Variants in GRIP1 observed in about 807,000 individuals in gnomAD.
GRIP1 encodes glutamate receptor interacting protein 1.
In GRIP1, 45 loss-of-function variants were observed where a neutral mutation model predicts 129.9. The ratio of observed to expected loss-of-function variants is 0.35; its 90% confidence interval spans 0.27 to 0.44. The LOEUF (loss-of-function observed/expected upper bound fraction) is 0.44, where lower values mean the gene tolerates loss of function less well. GRIP1 is among the 20% of genes least tolerant of loss of function. The probability of loss-of-function intolerance (pLI) is 1.00; values close to 1 mark genes in which losing one functional copy is unlikely to be tolerated. For synonymous variants in GRIP1, 530 were observed against 520.8 expected (o/e 1.02, Z -0.24); for missense variants, 1,196 against 1,396.8 (o/e 0.86, Z 2.29).
At chr12:67,045,929 G>A (rs531680170) in intron 1 of GRIP1, among the ~76,000 whole-genome samples, 2 of 152,230 alleles carry the variant, frequency 1.3e-5, no homozygotes, top group East Asian at 1.9e-4. Context: ...CTGAGAAGGC[G>A]GATTCCTTAG....
chr12:66,485,871 A>G (rs1026751170), intron 7 of GRIP1, among the ~76,000 whole-genome samples: 25 of 152,238 alleles, frequency 1.6e-4, no homozygotes, highest in African/African-American at 5.8e-4. Context: ...ATATGTACAC[A>G]GACAGATTAA....
intron 2 of GRIP1, among the ~76,000 whole-genome samples, chr12:66,583,569 C>G (rs1287543536): frequency 7.4e-6 from 1 of 136,050 alleles, no homozygotes; most frequent in African/African-American, 2.7e-5. Flanking sequence ...AAGAAAAAAA[C>G]AAACAACCCC....
intron 5 of GRIP1, among the ~76,000 whole-genome samples, chr12:66,522,281 C>T (rs939071344): frequency 7.9e-5 from 12 of 152,184 alleles, no homozygotes; most frequent in East Asian, 1.9e-4. Context: ...CTCACACGGC[C>T]GGGTACTCCT....
chr12:67,044,560 T>C (rs2043225519), intron 1 of GRIP1, among the ~76,000 whole-genome samples: 1 of 152,218 alleles, frequency 6.6e-6, no homozygotes, highest in Admixed American at 6.5e-5. Flanking sequence ...AGTACAACTG[T>C]TGTCATAATC....
chr12:66,637,045 T>C (rs1179228679), intron 1 of GRIP1, among the ~76,000 whole-genome samples: 1 of 152,082 alleles, frequency 6.6e-6, no homozygotes, highest in African/African-American at 2.4e-5. Context: ...GCTGCACTGG[T>C]GCAGGCCCAT....
intron 23 of GRIP1, among the ~76,000 whole-genome samples, chr12:66,359,884 T>C (rs1196697341): frequency 2.6e-5 from 4 of 152,216 alleles, no homozygotes; most frequent in Non-Finnish European, 4.4e-5. Context: ...TGGATATTGG[T>C]AGTGGTTACC....
At chr12:66,488,649 T>G (rs549007128) in intron 7 of GRIP1, among the ~76,000 whole-genome samples, 1 of 151,800 alleles carries the variant, frequency 6.6e-6, no homozygotes, top group African/African-American at 2.4e-5. Context: ...GAGATAGAGA[T>G]GTGAAAATCC....
chr12:66,849,361 T>A (rs2039872312), intron 1 of GRIP1, among the ~76,000 whole-genome samples: 1 of 152,282 alleles, frequency 6.6e-6, no homozygotes, highest in South Asian at 2.1e-4. Context: ...AACATCTACT[T>A]CATCACTTAT....
intron 1 of GRIP1, among the ~76,000 whole-genome samples, chr12:66,628,433 C>A (rs1353225379): frequency 6.6e-6 from 1 of 152,176 alleles, no homozygotes; most frequent in Non-Finnish European, 1.5e-5. Flanking sequence ...CAGCCTTCAG[C>A]AGGAAATCTA....
At chr12:66,865,581 CTCCATCCATCCATGCA>C (rs1397156652) in intron 1 of GRIP1, among the ~76,000 whole-genome samples, 1 of 151,056 alleles carries the variant, frequency 6.6e-6, no homozygotes, top group African/African-American at 2.4e-5. Flanking sequence ...CTGTTCATTA[CTCCATCCATCCATGCA>C]TCCATCCATC....
chr12:66,519,499 G>A (rs529000054), intron 5 of GRIP1, among the ~76,000 whole-genome samples: 19 of 152,260 alleles, frequency 1.2e-4, no homozygotes, highest in Admixed American at 2.6e-4. Flanking sequence ...GCAAGAAATC[G>A]TTCCATAATT....
At chr12:66,416,288 G>C (rs2057600520) in intron 15 of GRIP1, among the ~76,000 whole-genome samples, 1 of 152,062 alleles carries the variant, frequency 6.6e-6, no homozygotes, top group Non-Finnish European at 1.5e-5. Context: ...TTAGCTATAA[G>C]TGCCTACATC....
intron 1 of GRIP1, among the ~76,000 whole-genome samples, chr12:67,006,119 C>G (rs372816524): frequency 6.6e-6 from 1 of 152,070 alleles, no homozygotes. Context: ...GGACCTGACA[C>G]AGTAAGCGTA....
chr12:66,498,876 AAGG>A (rs1285307654), intron 7 of GRIP1, among the ~76,000 whole-genome samples: 19 of 152,196 alleles, frequency 1.2e-4, no homozygotes, highest in Non-Finnish European at 1.0e-4. Flanking sequence ...TTTGTACTAC[AAGG>A]AGGAGAAGAT....
chr12:66,353,376 A>T, intron 24 of GRIP1, 41 bp downstream of exon 24: 1 of 1,466,588 alleles, frequency 6.8e-7, no homozygotes, highest in Non-Finnish European at 9.6e-7. Context: ...TCCCAGTGAG[A>T]AATTACTTGC....
chr12:66,411,511 A>G (rs2057401850), intron 15 of GRIP1, among the ~76,000 whole-genome samples: 1 of 152,218 alleles, frequency 6.6e-6, no homozygotes, highest in Non-Finnish European at 1.5e-5. Flanking sequence ...AGATAAGTTC[A>G]CAAAGATGAG....
intron 1 of GRIP1, among the ~76,000 whole-genome samples, chr12:66,892,314 T>C (rs1190496434): frequency 6.6e-6 from 1 of 152,162 alleles, no homozygotes; most frequent in Non-Finnish European, 1.5e-5. Context: ...TCCTAATTGG[T>C]CTCCCTGCTT....
At chr12:66,501,872 C>G (rs913632189) in intron 7 of GRIP1, among the ~76,000 whole-genome samples, 1 of 152,112 alleles carries the variant, frequency 6.6e-6, no homozygotes, top group African/African-American at 2.4e-5. Flanking sequence ...AATGGCTTCA[C>G]AGCAGCATGT....
intron 1 of GRIP1, among the ~76,000 whole-genome samples, chr12:66,979,401 G>C (rs952718653): frequency 3.3e-5 from 5 of 150,670 alleles, no homozygotes; most frequent in African/African-American, 1.2e-4. Context: ...GGCTTCCCTA[G>C]TTTATATGGT....
Sources: gnomAD v4.1 joint callset for allele counts (sites outside exome capture counted in the v4.1 genomes callset) on GRCh38, gnomAD v4.1.1 for gene constraint, MANE v1.5 for transcripts, NCBI Gene and HGNC (gene_info 2026-07-23, HGNC 2026-07-21) for gene names.